Variants in MYOM2 observed in about 807,000 individuals in gnomAD.
The protein encoded by MYOM2 is myomesin-2.
Under a neutral mutation model 187.6 loss-of-function variants are expected in MYOM2, and 254 were observed. That is an observed-to-expected ratio of 1.35 (90% CI 1.22 to 1.50). The LOEUF (loss-of-function observed/expected upper bound fraction) is 1.50, where lower values mean the gene tolerates loss of function less well. Ranked by LOEUF, MYOM2 falls within the 40% of genes most tolerant of loss-of-function variation. MYOM2 has a pLI of 0.00. For missense variants in MYOM2, 2,796 were observed against 1,924.0 expected, an observed-to-expected ratio of 1.45 and a Z score of -8.48; for synonymous variants, 981 against 753.8, an observed-to-expected ratio of 1.30 and a Z score of -4.94.
At chr8:2,120,680 T>TATATATATATATAATA in intron 28 of MYOM2, among the ~76,000 whole-genome samples, 1 of 48,300 alleles carries the variant, frequency 2.1e-5, no homozygotes, top group Non-Finnish European at 4.1e-5. Flanking sequence ...ATATATTATA[T>TATATATATATATAATA]TATATATAAA....
At chr8:2,073,301 A>AT in intron 9 of MYOM2, 38 bp from the exon 10 acceptor site, 2 of 1,579,068 alleles carry the variant, frequency 1.3e-6, no homozygotes, top group Non-Finnish European at 1.7e-6. Context: ...TGCTGGGGTG[A>AT]TTTTGGATGC....
intron 23 of MYOM2, among the ~76,000 whole-genome samples, chr8:2,107,367 T>A (rs570341202): frequency 2.0e-5 from 3 of 152,160 alleles, no homozygotes; most frequent in South Asian, 4.1e-4. Context: ...AAAAGTTTTC[T>A]ATTAAAGTGC....
chr8:2,085,511 C>CGTGGCCTCCCACTGTCGTGATCTCTTT (rs1819810012), intron 14 of MYOM2, 121 bp downstream of exon 14: 1 of 866,244 alleles, frequency 1.2e-6, no homozygotes, highest in African/African-American at 2.7e-5. Flanking sequence ...GTGATCTCCG[C>CGTGGCCTCCCACTGTCGTGATCTCTTT]GTGGCCCCCC....
intron 15 of MYOM2, among the ~76,000 whole-genome samples, chr8:2,090,891 A>G (rs1305114943): frequency 2.0e-5 from 3 of 151,862 alleles, no homozygotes; most frequent in South Asian, 2.1e-4. Context: ...GGTTGATTCC[A>G]TGTCTTGGCT....
intron 14 of MYOM2, among the ~76,000 whole-genome samples, chr8:2,086,418 ACTGTTGTGATCTCTG>A (rs1796063059): frequency 7.6e-6 from 1 of 131,014 alleles, no homozygotes; most frequent in African/African-American, 3.5e-5. Context: ...GTGGCCTCCC[ACTGTTGTGATCTCTG>A]CGTGGCCCCC....
In MYOM2 at chr8:2,116,293, G is replaced by C. The variant is rs374278822; in HGVS notation, c.3385+18G>C. 8.1e-5 allele frequency: 130 copies of C among 1,608,080 alleles called. 1 individual carries two copies. The highest frequency in any genetic ancestry group is 9.3e-5 in the Non-Finnish European group (110 of 1,177,062). On this transcript the variant is annotated intron_variant, in intron 27 of 36. Transcript: ENST00000262113. ...GAAACAAGGTGAGTTTCCTCACTCTGACCGGCTCCCCTGCCCCTAGCATAA... is the reference window on the plus strand; with the variant it reads ...GAAACAAGGTGAGTTTCCTCACTCTCACCGGCTCCCCTGCCCCTAGCATAA...
chr8:2,062,418 G>A lies in MYOM2; in HGVS notation c.653+3173G>A, dbSNP rs577743158. Among the ~76,000 whole-genome samples, 74 of 152,314 alleles carry A rather than the reference G, an allele frequency of 4.9e-4. No individual in the cohort carries two copies. The Middle Eastern group carries it at 0.01, about 21-fold the overall frequency. On this transcript the variant is annotated intron_variant, in intron 6 of 36. Transcript: ENST00000262113. Reference sequence around the variant, plus strand: ...GGAGGGAGCAGGGGAGTGGGAAGAAGTGGGTGCTCTGGGCAGCTTTTGAGG... The same window carrying A: ...GGAGGGAGCAGGGGAGTGGGAAGAAATGGGTGCTCTGGGCAGCTTTTGAGG...
chr8:2,087,660 G>C (rs1205775293), intron 14 of MYOM2, among the ~76,000 whole-genome samples: 1 of 152,132 alleles, frequency 6.6e-6, no homozygotes, highest in African/African-American at 2.4e-5. Flanking sequence ...ACTCAGGCTA[G>C]AGTGCAGTGG....
intron 1 of MYOM2, among the ~76,000 whole-genome samples, chr8:2,048,181 G>T (rs371502332): frequency 7.2e-5 from 11 of 152,244 alleles, no homozygotes; most frequent in African/African-American, 2.2e-4. Flanking sequence ...TGCTGCAATA[G>T]CAGGTACTGG....
In MYOM2 at chr8:2,130,866, A is replaced by G. The variant is rs138463042; in HGVS notation, c.3800+1634A>G. Reference sequence around the variant, plus strand: ...GGATTTATTTTGTGGGACAATGAGTAAATCTATGTTTCTAGCTGAATCAAA... The same window carrying G: ...GGATTTATTTTGTGGGACAATGAGTGAATCTATGTTTCTAGCTGAATCAAA... On this transcript the variant is annotated intron_variant, in intron 32 of 36. Transcript: ENST00000262113. Among the ~76,000 whole-genome samples, 3 of 152,334 alleles carry G rather than the reference A, an allele frequency of 2.0e-5. No homozygotes were observed. The East Asian group carries it at 5.8e-4, about 29-fold the overall frequency.
intron 25 of MYOM2, among the ~76,000 whole-genome samples, chr8:2,111,468 G>C (rs1797065515): frequency 6.6e-6 from 1 of 152,196 alleles, no homozygotes; most frequent in Non-Finnish European, 1.5e-5. Flanking sequence ...TTCTTACTCA[G>C]AGCCAGTTAA....
rs753969696 is a variant in MYOM2, at chr8:2,090,155, G to A, written c.1792G>A (p.Glu598Lys). Residue 598 changes from glutamate to lysine, a missense_variant, in exon 15 of 37, where the codon GAG becomes AAG. Glu to Lys is a moderately conservative substitution (Grantham distance 56). Coordinates refer to ENST00000262113, the MANE Select transcript of MYOM2 (RefSeq NM_003970.4). ...CCGGCATGGCCTGAGCGAACCTTCG[G>A]AGATAACGTCCCCCATTCAGGCCCA... ...ANRHGLSEPS[E>K]ITSPIQAQDV... The A allele has an allele frequency of 6.2e-7, 1 of 1,614,052 alleles. No individual in the cohort carries two copies. Among genetic ancestry groups the A allele is most frequent in the African/African-American group, 1.3e-5 (1 of 75,050 alleles).
intron 10 of MYOM2, among the ~76,000 whole-genome samples, chr8:2,075,431 C>A (rs3779851): frequency 2.0e-5 from 3 of 151,792 alleles, no homozygotes; most frequent in African/African-American, 4.8e-5. Flanking sequence ...GAGAGGAAAC[C>A]ATTTGGCTCA....
intron 32 of MYOM2, among the ~76,000 whole-genome samples, chr8:2,131,192 G>C (rs3824181): frequency 0.14 from 21,110 of 151,742 alleles, 2,546 homozygotes; most frequent in African/African-American, 0.31. Flanking sequence ...TGTAGGTCAT[G>C]TTAGTGTTAG....
intron 25 of MYOM2, among the ~76,000 whole-genome samples, chr8:2,110,899 A>G (rs1288700369): frequency 6.6e-6 from 1 of 152,214 alleles, no homozygotes; most frequent in African/African-American, 2.4e-5. Context: ...CATGAGAATC[A>G]TGACACACTT....
At chr8:2,077,427 C>T (rs1033767294) in intron 11 of MYOM2, among the ~76,000 whole-genome samples, 2 of 152,106 alleles carry the variant, frequency 1.3e-5, no homozygotes, top group African/African-American at 4.8e-5. Flanking sequence ...AGGTGATTAT[C>T]TTAGGAAAAA....
chr8:2,130,433 C>G (rs1797823822), intron 32 of MYOM2, among the ~76,000 whole-genome samples: 1 of 151,952 alleles, frequency 6.6e-6, no homozygotes, highest in Non-Finnish European at 1.5e-5. Flanking sequence ...ACGCTATACC[C>G]AGGGCGCCCA....
At chr8:2,100,824 G>T in intron 19 of MYOM2, 52 bp from the exon 20 acceptor site, 2 of 1,593,352 alleles carry the variant, frequency 1.3e-6, no homozygotes, top group East Asian at 2.2e-5. Context: ...TGGGCGGTGG[G>T]TGTGCTGGAC....
intron 14 of MYOM2, among the ~76,000 whole-genome samples, chr8:2,087,126 G>A (rs569187867): frequency 2.5e-4 from 38 of 152,280 alleles, no homozygotes; most frequent in Admixed American, 3.9e-4. Context: ...ACTTGGTGAC[G>A]ACCCCCTGTT....
Sources: gnomAD v4.1 joint callset for allele counts (sites outside exome capture counted in the v4.1 genomes callset) on GRCh38, gnomAD v4.1.1 for gene constraint, MANE v1.5 for transcripts, NCBI Gene and HGNC (gene_info 2026-07-23, HGNC 2026-07-21) for gene names.